The following SH3TC1 variants were observed in gnomAD, a reference collection of about 807,000 sequenced individuals.
SH3TC1 encodes the protein SH3 domain and tetratricopeptide repeats 1.
In SH3TC1, 135 loss-of-function variants were observed where a neutral mutation model predicts 117.3. The observed-to-expected ratio is 1.15, with a 90% CI of 1.00 to 1.33. SH3TC1 has a LOEUF of 1.33. SH3TC1 is among the 40% of genes most tolerant of loss of function. The probability of loss-of-function intolerance (pLI) is 0.00; values close to 1 mark genes in which losing one functional copy is unlikely to be tolerated. For missense variants in SH3TC1, 2,092 were observed against 1,794.3 expected (o/e 1.17, Z -3.00); for synonymous variants, 898 against 816.9 (o/e 1.10, Z -1.69).
At chr4:8,197,635 C>T (rs1268571901), upstream of SH3TC1, among the ~76,000 whole-genome samples, 1 of 152,214 alleles carries the variant, frequency 6.6e-6, no homozygotes, top group Non-Finnish European at 1.5e-5. Context: ...AAGGTGGGGC[C>T]TGGCCAGGCC....
rs146582673 is a variant in SH3TC1, at chr4:8,237,000, C to A, written c.3557-474C>A. On this transcript the variant is annotated intron_variant, in intron 16 of 17. Coordinates refer to ENST00000245105, the MANE Select transcript of SH3TC1 (RefSeq NM_018986.5). ...TTGAATGCAGGCTCCACAGCACTCA[C>A]CCTGAAAAGGGGAGGACACCGGAGA... is the stretch of plus-strand genomic sequence containing the variant. 2.0e-3 allele frequency: 337 copies of A among 167,524 alleles called. 2 individuals are homozygous for A. The highest frequency in any genetic ancestry group is 0.012 in the Middle Eastern group (4 of 342). The allele number at this position is 167,524 out of a possible 1,614,324, so 10.4% of individuals were successfully genotyped here. A position where few individuals can be genotyped will look rare whatever the true frequency, so the allele number is the denominator to read the frequency against.
chr4:8,205,902 G>A lies in SH3TC1; in HGVS notation c.172+536G>A, dbSNP rs1037497156. 2 of 541,182 alleles carry A rather than the reference G, an allele frequency of 3.7e-6. No individual in the cohort carries two copies. The highest frequency in any genetic ancestry group is 6.6e-6 in the Non-Finnish European group (2 of 303,624). The allele number at this position is 541,182 out of a possible 1,614,324, so 33.5% of individuals were successfully genotyped here. A position where few individuals can be genotyped will look rare whatever the true frequency, so the allele number is the denominator to read the frequency against. On this transcript the variant is annotated intron_variant, in intron 2 of 17. Transcript: ENST00000245105. The surrounding 1 kb of genome is among the most constrained non-coding windows in gnomAD (Gnocchi z 5.4). ...TACCCCCATCCTGAGACCCTGAAGG[G>A]GACGAGGGGAGAGGCAGGGGAGACC... is the stretch of plus-strand genomic sequence containing the variant.
upstream of SH3TC1, among the ~76,000 whole-genome samples, chr4:8,196,960 G>T (rs1031773535): frequency 1.1e-4 from 17 of 152,188 alleles, no homozygotes; most frequent in Non-Finnish European, 2.2e-4. This position sits in a 1 kb window ranked among gnomAD's most constrained non-coding sequence, Gnocchi z 4.6. Flanking sequence ...CACAGCTTAT[G>T]TACCGAGCTG....
At position 8,225,268 on chromosome 4, in the gene SH3TC1, G is replaced by T; in HGVS notation, c.1285+52G>T. 6.3e-7 allele frequency: 1 copy of T among 1,582,778 alleles called. No individual in the cohort carries two copies. Among genetic ancestry groups the T allele is most frequent in the Non-Finnish European group, 8.6e-7 (1 of 1,160,838 alleles). ...CCTCTGGTTATGAGCTGGGCCTTGG[G>T]GTAACGCTGGGGGAGGTGACAAAGC... On this transcript the variant is annotated intron_variant, in intron 11 of 17. Coordinates refer to ENST00000245105, the MANE Select transcript of SH3TC1 (RefSeq NM_018986.5). The surrounding 1 kb of genome is among the most constrained non-coding windows in gnomAD (Gnocchi z 5.5).
chr4:8,227,507 G>T lies in SH3TC1; in HGVS notation c.1813G>T (p.Ala605Ser). Residue 605 changes from alanine to serine, a missense_variant, in exon 12 of 18, where the codon GCC becomes TCC. By Grantham distance (99) the Ala-to-Ser change is moderately conservative (BLOSUM62 1). Coordinates refer to ENST00000245105, the MANE Select transcript of SH3TC1 (RefSeq NM_018986.5). ...GDLFLVVAVY[A>S]NLASIYRKQK... The stretch of plus-strand genomic sequence containing the variant: ...CCTGTTCCTAGTGGTGGCTGTGTAC[G>T]CCAACCTGGCCAGCATTTACCGGAA... 1.3e-6 allele frequency: 2 copies of T among 1,550,958 alleles called. No individual in the cohort carries two copies. The highest frequency in any genetic ancestry group is 1.7e-6 in the Non-Finnish European group (2 of 1,154,512).
At chr4:8,223,916 T>A (rs1720190330) in intron 10 of SH3TC1, among the ~76,000 whole-genome samples, 1 of 151,452 alleles carries the variant, frequency 6.6e-6, no homozygotes, top group Non-Finnish European at 1.5e-5. Flanking sequence ...ATTACAGCTG[T>A]GAGCCACTGT....
chr4:8,188,491 GT>G (rs986142113), intron 1 of SH3TC1, among the ~76,000 whole-genome samples: 7 of 152,216 alleles, frequency 4.6e-5, no homozygotes, highest in Non-Finnish European at 7.3e-5. Flanking sequence ...GCTCCCCAAG[GT>G]GCTTCAAACC....
intron 8 of SH3TC1, 149 bp from the exon 9 acceptor site, chr4:8,219,186 C>T: frequency 1.4e-6 from 1 of 694,222 alleles, no homozygotes; most frequent in Non-Finnish European, 2.3e-6. Context: ...CATTCCCTCC[C>T]TCATTGCGGA....
chr4:8,235,866 G>T, intron 15 of SH3TC1: 3 of 376,936 alleles, frequency 8.0e-6, no homozygotes, highest in Non-Finnish European at 1.4e-5. Context: ...CACGTCAAAG[G>T]ACACACGGCA....
chr4:8,217,138 C>T lies in SH3TC1; in HGVS notation c.810C>T (p.Ala270=), dbSNP rs752110122. 2.9e-5 allele frequency: 47 copies of T among 1,611,784 alleles called. No homozygotes were observed. Among genetic ancestry groups the T allele is most frequent in the Non-Finnish European group, 3.6e-5 (43 of 1,179,224 alleles). ...SVSSEEVAVA[A]APEPLIPFHQ... ...CCTCCGAGGAGGTGGCAGTGGCGGC[C>T]GCCCCGGAGCCTTTGATTCCATTTC... The change falls in exon 7 of 18, where the codon GCC becomes GCT. Residue 270 remains alanine (A), a synonymous_variant. Transcript: ENST00000245105.
At chr4:8,194,197 T>C (rs1717495113) in intron 1 of SH3TC1, among the ~76,000 whole-genome samples, 1 of 152,016 alleles carries the variant, frequency 6.6e-6, no homozygotes, top group African/African-American at 2.4e-5. Context: ...GTGTTGGTGG[T>C]GGCGCTAAAA....
chr4:8,240,494 G>A (rs1380150834), intron 17 of SH3TC1, among the ~76,000 whole-genome samples: 1 of 152,204 alleles, frequency 6.6e-6, no homozygotes, highest in African/African-American at 2.4e-5. Flanking sequence ...TGAGTGGGGT[G>A]TAGGGACAAT....
intron 9 of SH3TC1, among the ~76,000 whole-genome samples, chr4:8,220,925 G>A (rs928304191): frequency 6.6e-6 from 1 of 152,248 alleles, no homozygotes; most frequent in Non-Finnish European, 1.5e-5. Flanking sequence ...CCCAAAGCAT[G>A]TTCTCACACA....
chr4:8,190,894 G>T lies in SH3TC1; in HGVS notation c.-57+8684G>T, dbSNP rs144618193. Among the ~76,000 whole-genome samples, 1 of 151,828 alleles carries T rather than the reference G, an allele frequency of 6.6e-6. No homozygotes were observed. Among genetic ancestry groups the T allele is most frequent in the East Asian group, 1.9e-4 (1 of 5,170 alleles). Reference sequence around the variant, plus strand: ...TGGACTCAAGCGATCCTCCTGCCTCGGCCTCCTAAAGTGCTAGGATTACAG... The same window carrying T: ...TGGACTCAAGCGATCCTCCTGCCTCTGCCTCCTAAAGTGCTAGGATTACAG... On this transcript the variant is annotated intron_variant, in intron 1 of 16. Coordinates refer to the SH3TC1 transcript ENST00000508641. This position sits in a 1 kb window ranked among gnomAD's most constrained non-coding sequence, Gnocchi z 4.7.
At chr4:8,224,264 A>G (rs1215334653) in intron 10 of SH3TC1, among the ~76,000 whole-genome samples, 2 of 152,182 alleles carry the variant, frequency 1.3e-5, no homozygotes, top group Middle Eastern at 3.2e-3. Flanking sequence ...GCATTACAAG[A>G]CCTTTTCTCC....
rs571749176 is a variant in SH3TC1, at chr4:8,211,640, T to A, written c.248-1061T>A. ...AGAGATCTGGGGCCGAGTCTTGACC[T>A]GGAGGATTGGGAACACTTTTTTCTC... On this transcript the variant is annotated intron_variant, in intron 3 of 17. Coordinates refer to ENST00000245105, the MANE Select transcript of SH3TC1 (RefSeq NM_018986.5). Among the ~76,000 whole-genome samples, 17 of 151,250 alleles carry A rather than the reference T, an allele frequency of 1.1e-4. 1 individual carries two copies. The highest frequency in any genetic ancestry group is 4.1e-4 in the African/African-American group (17 of 40,972).
At chr4:8,207,323 C>T (rs981829510) in intron 2 of SH3TC1, among the ~76,000 whole-genome samples, 9 of 152,218 alleles carry the variant, frequency 5.9e-5, no homozygotes, top group Non-Finnish European at 4.4e-5. Context: ...TGGCTGGTGA[C>T]GCTAATTTTG....
At chr4:8,228,793 G>C in intron 12 of SH3TC1, 149 bp downstream of exon 12, 1 of 692,834 alleles carries the variant, frequency 1.4e-6, no homozygotes, top group Non-Finnish European at 2.3e-6. Flanking sequence ...GCGCCCTGGA[G>C]ACAGGCAGTT....
chr4:8,228,466 C>T lies in SH3TC1; in HGVS notation c.2772C>T (p.His924=), dbSNP rs757094203. The T allele has an allele frequency of 5.9e-5, 95 of 1,607,982 alleles. No individual in the cohort carries two copies. Among genetic ancestry groups the T allele is most frequent in the Non-Finnish European group, 8.0e-5 (94 of 1,177,680 alleles). The part of the protein sequence containing the change: ...LHAGASRLAQ[H]YLLEAVRLFS... Reference sequence around the variant, plus strand: ...CGGGTGCCAGCAGGCTGGCCCAGCACTACCTCCTGGAGGCCGTGCGGCTGT... The same window carrying T: ...CGGGTGCCAGCAGGCTGGCCCAGCATTACCTCCTGGAGGCCGTGCGGCTGT... The change falls in exon 12 of 18, where the codon CAC becomes CAT. Residue 924 remains histidine, a synonymous_variant. Coordinates refer to ENST00000245105, the MANE Select transcript of SH3TC1 (RefSeq NM_018986.5).
Sources: allele counts gnomAD v4.1 joint callset (sites outside exome capture counted in the v4.1 genomes callset), GRCh38; gene constraint gnomAD v4.1.1; non-coding constraint Gnocchi (gnomAD v3.1); transcripts MANE v1.5; gene names NCBI Gene and HGNC (gene_info 2026-07-23, HGNC 2026-07-21).